Variants in ZNF236 observed in about 807,000 individuals in gnomAD.
ZNF236 encodes the protein zinc finger protein 236.
ZNF236 carries 50 observed loss-of-function variants against 191.2 expected under a neutral mutation model. The observed-to-expected ratio is 0.26, with a 90% CI of 0.21 to 0.33. ZNF236 has a LOEUF of 0.33. Among genes scored for constraint, ZNF236 ranks in the 10% least tolerant of loss-of-function variants. The pLI, the probability that ZNF236 is intolerant of heterozygous loss-of-function variation, is 1.00. For missense variants in ZNF236, 1,754 were observed against 2,374.5 expected (o/e 0.74, Z 5.43); for synonymous variants, 907 against 928.8 (o/e 0.98, Z 0.43).
chr18:76,965,122 G>A (rs769579803), intron 30 of ZNF236, among the ~76,000 whole-genome samples: 40 of 151,980 alleles, frequency 2.6e-4, no homozygotes, highest in African/African-American at 7.0e-4. Context: ...GGGTTAATTC[G>A]AAGACCTTGT....
chr18:76,838,480 T>A (rs377202912), intron 1 of ZNF236, among the ~76,000 whole-genome samples: 1 of 152,168 alleles, frequency 6.6e-6, no homozygotes, highest in Non-Finnish European at 1.5e-5. Flanking sequence ...TGATTCCAGA[T>A]GGAGTCATAG....
chr18:76,957,159 G>A (rs1338951199), intron 28 of ZNF236, among the ~76,000 whole-genome samples: 1 of 152,088 alleles, frequency 6.6e-6, no homozygotes, highest in East Asian at 1.9e-4. Flanking sequence ...GGGGGGGTGG[G>A]GATTGTTTTT....
chr18:76,966,022 G>A (rs1216802653), intron 30 of ZNF236, among the ~76,000 whole-genome samples: 17 of 152,334 alleles, frequency 1.1e-4, no homozygotes, highest in African/African-American at 3.6e-4. Flanking sequence ...TGGGCTAGGC[G>A]TGTCTGAGCT....
rs376745078 is a variant in ZNF236, at chr18:76,947,637, A to G, written c.4899A>G (p.Glu1633=). 1.8e-4 allele frequency: 289 copies of G among 1,613,702 alleles called. No homozygotes were observed. The highest frequency in any genetic ancestry group is 9.7e-4 in the Admixed American group (58 of 59,996). Residue 1633 remains glutamate, a synonymous_variant, in exon 27 of 31, where the codon GAA becomes GAG. Transcript: ENST00000320610. The part of the protein sequence containing the change: ...HTPQSASAAC[E]EIAYQVAGVS... The stretch of plus-strand genomic sequence containing the variant: ...CACAGTCAGCGTCTGCTGCTTGTGA[A>G]GAAATAGCCTACCAGGTACAGGATA...
chr18:76,893,251 G>T (rs1977302196), intron 9 of ZNF236, among the ~76,000 whole-genome samples: 1 of 152,004 alleles, frequency 6.6e-6, no homozygotes. Flanking sequence ...TTTTTGATTT[G>T]TCATGATAAA....
Position 76,912,334 on chromosome 18 carries a change from A to G in ZNF236, c.2896A>G (p.Arg966Gly). 1 of 1,613,922 alleles carries G rather than the reference A, an allele frequency of 6.2e-7. No homozygotes were observed. Among genetic ancestry groups the G allele is most frequent in the African/African-American group, 1.3e-5 (1 of 75,066 alleles). Residue 966 changes from arginine (R) to glycine (G), a missense_variant, in exon 17 of 31, where the codon AGG becomes GGG. By Grantham distance (125) the Arg-to-Gly change is moderately radical. This residue lies in a region of ZNF236 where 641 missense variants were observed against 869.6 expected (regional missense o/e 0.74). Coordinates refer to ENST00000320610, the MANE Select transcript of ZNF236 (RefSeq NM_001306089.2). ...QFLEDNEDQS[R>G]RSYRCDYCNK... The stretch of plus-strand genomic sequence containing the variant: ...TCTGGAGGACAACGAGGACCAGAGC[A>G]GGCGCTCTTACAGGTAGTTGTCTGC...
intron 3 of ZNF236, among the ~76,000 whole-genome samples, chr18:76,852,361 A>T (rs1384488770): frequency 2.0e-5 from 3 of 152,218 alleles, no homozygotes; most frequent in Non-Finnish European, 2.9e-5. Context: ...GAATCATTTC[A>T]TGATGGCCCA....
At chr18:76,892,814 G>A (rs572811780) in intron 9 of ZNF236, among the ~76,000 whole-genome samples, 26 of 152,146 alleles carry the variant, frequency 1.7e-4, no homozygotes, top group Non-Finnish European at 3.1e-4. Flanking sequence ...TGATCCGCCC[G>A]CCTCGGCCTC....
intron 28 of ZNF236, 32 bp downstream of exon 28, chr18:76,956,214 G>GC (rs1483843183): frequency 6.5e-7 from 1 of 1,539,554 alleles, no homozygotes. Flanking sequence ...ACAGCTGTGT[G>GC]CCCCCCAGGC....
chr18:76,873,446 T>C (rs1976631111), intron 5 of ZNF236, among the ~76,000 whole-genome samples: 1 of 152,198 alleles, frequency 6.6e-6, no homozygotes, highest in South Asian at 2.1e-4. Context: ...GCTTGTGAGC[T>C]GCCTGGAGAG....
At chr18:76,851,725 C>T (rs1337276906) in intron 2 of ZNF236, 50 bp from the exon 3 acceptor site, 1 of 1,563,196 alleles carries the variant, frequency 6.4e-7, no homozygotes, top group Non-Finnish European at 8.7e-7. Flanking sequence ...GAACAAGCAT[C>T]TGTGAAAAGA....
chr18:76,927,866 A>G lies in ZNF236; in HGVS notation c.4415-61A>G. ...GTTTAATTAAAATATTTTTAATATA[A>G]AAACAGGGGAAATTGGTTATTTTGA... On this transcript the variant is annotated intron_variant, in intron 24 of 30. Transcript: ENST00000320610. This position sits in a 1 kb window ranked among gnomAD's most constrained non-coding sequence, Gnocchi z 5.4. The G allele has an allele frequency of 7.9e-7, 1 of 1,263,858 alleles. No individual in the cohort carries two copies. 78.3% of individuals were successfully genotyped at this position (1,263,858 alleles called of 1,614,324 possible).
intron 27 of ZNF236, among the ~76,000 whole-genome samples, chr18:76,950,718 A>T (rs2122930445): frequency 6.6e-6 from 1 of 152,374 alleles, no homozygotes; most frequent in Non-Finnish European, 1.5e-5. Context: ...CCTCCCATGA[A>T]TCACAAATGT....
chr18:76,851,330 A>G (rs896314379), intron 2 of ZNF236, among the ~76,000 whole-genome samples: 5 of 149,858 alleles, frequency 3.3e-5, no homozygotes, highest in African/African-American at 9.9e-5. Context: ...CAGTAGTGCA[A>G]TCTTGGCTCA....
In ZNF236 at chr18:76,927,075, C is replaced by T. The variant is rs1967720923; in HGVS notation, c.4066C>T (p.Leu1356=). The change falls in exon 23 of 31, where the codon CTG becomes TTG. Residue 1356 remains leucine, a synonymous_variant. Transcript: ENST00000320610. This position sits in a 1 kb window ranked among gnomAD's most constrained non-coding sequence, Gnocchi z 5.4. ...DLTVSLTDGS[L]ATLEGIQLQL... ...GACCGTGTCTCTGACAGATGGGAGC[C>T]TGGCTACCCTAGAAGGCATCCAGTT... 1 of 1,613,828 alleles carries T rather than the reference C, an allele frequency of 6.2e-7. No individual in the cohort carries two copies. The highest frequency in any genetic ancestry group is 2.2e-5 in the East Asian group (1 of 44,854).
chr18:76,884,696 G>A (rs1026681487), intron 9 of ZNF236, among the ~76,000 whole-genome samples: 1 of 152,102 alleles, frequency 6.6e-6, no homozygotes, highest in East Asian at 1.9e-4. Context: ...TTCAGTCCAC[G>A]GGCTCCAGGA....
At chr18:76,895,550 T>A (rs1434293525) in intron 10 of ZNF236, among the ~76,000 whole-genome samples, 2 of 149,530 alleles carry the variant, frequency 1.3e-5, no homozygotes, top group Non-Finnish European at 3.0e-5. Context: ...CACAGCAATG[T>A]GCACAGGTAC....
chr18:76,950,952 C>T (rs1968392960), intron 27 of ZNF236, among the ~76,000 whole-genome samples: 1 of 152,222 alleles, frequency 6.6e-6, no homozygotes, highest in Non-Finnish European at 1.5e-5. Context: ...TCCATCACAG[C>T]TCTTGGGTGA....
At chr18:76,829,882 T>C (rs1975118632) in intron 1 of ZNF236, among the ~76,000 whole-genome samples, 1 of 152,210 alleles carries the variant, frequency 6.6e-6, no homozygotes, top group Non-Finnish European at 1.5e-5. Context: ...TTTTGCTTTT[T>C]CTTTTTTGAG....
Sources: gnomAD v4.1 joint callset for allele counts (sites outside exome capture counted in the v4.1 genomes callset) on GRCh38, gnomAD v4.1.1 for gene constraint, gnomAD v4.1.1 regional missense constraint, Gnocchi (gnomAD v3.1) non-coding constraint, MANE v1.5 for transcripts, NCBI Gene and HGNC (gene_info 2026-07-23, HGNC 2026-07-21) for gene names.